The following NALCN variants were observed in gnomAD, a reference collection of about 807,000 sequenced individuals.
NALCN encodes the protein sodium leak channel NALCN.
In NALCN, 111 loss-of-function variants were observed where a neutral mutation model predicts 225.3. That is an observed-to-expected ratio of 0.49 (90% CI 0.42 to 0.58). The LOEUF (loss-of-function observed/expected upper bound fraction) is 0.58, where lower values mean the gene tolerates loss of function less well. Ranked by LOEUF, NALCN falls within the 20% of genes least tolerant of loss-of-function variation. The probability of loss-of-function intolerance (pLI) is 0.00; values close to 1 mark genes in which losing one functional copy is unlikely to be tolerated. For synonymous variants in NALCN, 764 were observed against 769.0 expected, an observed-to-expected ratio of 0.99 and a Z score of 0.11; for missense variants, 1,378 against 2,202.4, an observed-to-expected ratio of 0.63 and a Z score of 7.49.
intron 14 of NALCN, chr13:101,181,485 G>A: frequency 2.7e-6 from 1 of 375,958 alleles, no homozygotes. Context: ...GGTGACTCAT[G>A]CGTGTAATCC....
chr13:101,186,801 G>T (rs537562469), intron 14 of NALCN, among the ~76,000 whole-genome samples: 1 of 152,038 alleles, frequency 6.6e-6, no homozygotes, highest in African/African-American at 2.4e-5. Context: ...ATTTCATCTA[G>T]CTTATGCTAT....
chr13:101,272,068 T>A (rs2042806057), intron 10 of NALCN, among the ~76,000 whole-genome samples: 2 of 151,934 alleles, frequency 1.3e-5, no homozygotes, highest in South Asian at 4.1e-4. Context: ...CATGTATAAG[T>A]GTGTAGGCAT....
chr13:101,070,976 C>G (rs2032837285), intron 37 of NALCN, among the ~76,000 whole-genome samples: 1 of 152,092 alleles, frequency 6.6e-6, no homozygotes, highest in Admixed American at 6.6e-5. Context: ...GCAAGAAGTG[C>G]CAAGAAAATG....
chr13:101,314,062 CA>C (rs2044459064), intron 7 of NALCN, among the ~76,000 whole-genome samples: 1 of 148,336 alleles, frequency 6.7e-6, no homozygotes, highest in Non-Finnish European at 1.5e-5. Flanking sequence ...ATCGCAAGGA[CA>C]AAAAATCAAA....
intron 20 of NALCN, among the ~76,000 whole-genome samples, chr13:101,108,495 T>C (rs656689): frequency 0.14 from 20,787 of 152,140 alleles, 2,159 homozygotes; most frequent in African/African-American, 0.29. Flanking sequence ...TAGAGAGACA[T>C]AGACAGGCTA....
At position 101,104,161 on chromosome 13, in the gene NALCN, T is replaced by G; in HGVS notation, c.2889+134A>C. 4.9e-6 allele frequency: 5 copies of G among 1,015,482 alleles called. No homozygotes were observed. The highest frequency in any genetic ancestry group is 7.1e-6 in the Non-Finnish European group (5 of 705,042). 62.9% of individuals were successfully genotyped at this position (1,015,482 alleles called of 1,614,324 possible). ...CCCTTATTTGCATATAATGAACTAC[T>G]CTAGAGTCCATTTAAGAATTCGGTT... On this transcript the variant is annotated intron_variant, in intron 25 of 43. Transcript: ENST00000251127. The surrounding 1 kb of genome is among the most constrained non-coding windows in gnomAD (Gnocchi z 4.2).
intron 9 of NALCN, among the ~76,000 whole-genome samples, chr13:101,289,979 G>A (rs1248282049): frequency 1.3e-5 from 2 of 152,154 alleles, no homozygotes; most frequent in East Asian, 1.9e-4. Flanking sequence ...TTCACCCAGA[G>A]GCTGACAGCA....
intron 7 of NALCN, among the ~76,000 whole-genome samples, chr13:101,326,026 G>A (rs948358050): frequency 4.6e-5 from 7 of 152,028 alleles, no homozygotes; most frequent in African/African-American, 1.7e-4. Context: ...TTTGGTTTTT[G>A]TTTCTGCCTA....
intron 14 of NALCN, among the ~76,000 whole-genome samples, chr13:101,177,409 G>GCATATATATA (rs1555305754): frequency 2.4e-5 from 3 of 124,328 alleles, no homozygotes; most frequent in Admixed American, 7.9e-5. Flanking sequence ...GTAAATACGA[G>GCATATATATA]TATATATATA....
At chr13:101,347,709 G>T (rs2045784172) in intron 6 of NALCN, among the ~76,000 whole-genome samples, 1 of 152,120 alleles carries the variant, frequency 6.6e-6, no homozygotes, top group Non-Finnish European at 1.5e-5. Flanking sequence ...ACTTAAATAA[G>T]GCTCTAAGGG....
In NALCN at chr13:101,061,453, C is replaced by T. The variant is rs1391059355; in HGVS notation, c.4755+515G>A. Reference sequence around the variant, plus strand: ...CTGGAGTGCAGTGGCATGATCTCAGCTCACTGCAACTTCTACCTCCCAGGT... The same window carrying T: ...CTGGAGTGCAGTGGCATGATCTCAGTTCACTGCAACTTCTACCTCCCAGGT... On this transcript the variant is annotated intron_variant, in intron 41 of 43. Transcript: ENST00000251127. Among the ~76,000 whole-genome samples, 3 of 151,588 alleles carry T rather than the reference C, an allele frequency of 2.0e-5. No homozygotes were observed. In the East Asian group the frequency reaches 5.8e-4, roughly 29 times the overall value.
intron 15 of NALCN, among the ~76,000 whole-genome samples, chr13:101,150,237 G>A (rs546460022): frequency 2.0e-5 from 3 of 152,132 alleles, no homozygotes; most frequent in South Asian, 2.1e-4. Context: ...CAGAGTGGTC[G>A]TCCTGGGTGG....
rs5806209 is a variant in NALCN, at chr13:101,327,384, T to TG, written c.799+17881dup. ...CAAGTAATTTTTCTAGCTAAAACAT[T>TG]GGGGGGGATGATATTTAGTATTTTG... On this transcript the variant is annotated intron_variant, in intron 7 of 43. Coordinates refer to ENST00000251127, the MANE Select transcript of NALCN (RefSeq NM_052867.4). Among the ~76,000 whole-genome samples the TG allele has an allele frequency of 3.3e-3, 505 of 151,568 alleles. 2 individuals carry two copies. The highest frequency in any genetic ancestry group is 9.9e-3 in the African/African-American group (408 of 41,318).
chr13:101,405,539 T>C (rs2047594966), intron 1 of NALCN, among the ~76,000 whole-genome samples: 1 of 151,890 alleles, frequency 6.6e-6, no homozygotes, highest in African/African-American at 2.4e-5. Context: ...TGTATGAACT[T>C]CCCCTCTTTC....
chr13:101,387,705 G>A (rs1444606883), intron 3 of NALCN, among the ~76,000 whole-genome samples: 1 of 152,138 alleles, frequency 6.6e-6, no homozygotes, highest in African/African-American at 2.4e-5. Context: ...AAAAATTATG[G>A]TAGAGTTGAA....
chr13:101,282,608 G>A (rs2043204216), intron 10 of NALCN, among the ~76,000 whole-genome samples: 1 of 152,102 alleles, frequency 6.6e-6, no homozygotes, highest in Admixed American at 6.5e-5. Context: ...ATACTGTATT[G>A]TATACATGAG....
At chr13:101,391,651 C>T (rs1392471232) in intron 3 of NALCN, among the ~76,000 whole-genome samples, 1 of 151,326 alleles carries the variant, frequency 6.6e-6, no homozygotes, top group Non-Finnish European at 1.5e-5. Flanking sequence ...CCACTACACT[C>T]CAGCCTGGGC....
chr13:101,371,180 T>A (rs576893401), intron 6 of NALCN, among the ~76,000 whole-genome samples: 1 of 152,334 alleles, frequency 6.6e-6, no homozygotes, highest in Admixed American at 6.5e-5. Flanking sequence ...TGTCACCAGT[T>A]TGGAGTACTA....
At chr13:101,160,730 C>T (rs2038140923) in intron 15 of NALCN, among the ~76,000 whole-genome samples, 1 of 152,072 alleles carries the variant, frequency 6.6e-6, no homozygotes, top group South Asian at 2.1e-4. Context: ...ACTCATCACC[C>T]TTGTCAAAGC....
Sources: gnomAD v4.1 joint callset for allele counts (sites outside exome capture counted in the v4.1 genomes callset) on GRCh38, gnomAD v4.1.1 for gene constraint, Gnocchi (gnomAD v3.1) non-coding constraint, MANE v1.5 for transcripts, NCBI Gene and HGNC (gene_info 2026-07-23, HGNC 2026-07-21) for gene names.